The following RAPGEF1 variants were observed in gnomAD, a reference collection of about 807,000 sequenced individuals.
RAPGEF1 encodes the protein Rap guanine nucleotide exchange factor 1.
RAPGEF1 carries 33 observed loss-of-function variants against 143.3 expected under a neutral mutation model. The ratio of observed to expected loss-of-function variants is 0.23; its 90% confidence interval spans 0.17 to 0.31. The LOEUF is 0.31. RAPGEF1 is among the 10% of genes least tolerant of loss of function. The probability of loss-of-function intolerance (pLI) is 1.00; values close to 1 mark genes in which losing one functional copy is unlikely to be tolerated. For synonymous variants in RAPGEF1, 629 were observed against 676.5 expected (o/e 0.93, Z 1.09); for missense variants, 1,199 against 1,645.4 (o/e 0.73, Z 4.69).
At chr9:131,692,727 T>C (rs967444952) in intron 1 of RAPGEF1, among the ~76,000 whole-genome samples, 1 of 152,224 alleles carries the variant, frequency 6.6e-6, no homozygotes, top group Non-Finnish European at 1.5e-5. Context: ...GGCAGGATAA[T>C]GCTACATTGC....
At chr9:131,648,206 A>G (rs1215544245) in intron 3 of RAPGEF1, among the ~76,000 whole-genome samples, 2 of 152,190 alleles carry the variant, frequency 1.3e-5, no homozygotes, top group Non-Finnish European at 1.5e-5. Flanking sequence ...CCTGGCCAAC[A>G]TGGCAAAACC....
At chr9:131,704,081 A>G (rs1007295227) in intron 1 of RAPGEF1, among the ~76,000 whole-genome samples, 31 of 152,160 alleles carry the variant, frequency 2.0e-4, no homozygotes, top group African/African-American at 7.2e-4. Flanking sequence ...TAGTCCTTCA[A>G]AGTACGCATT....
At chr9:131,683,852 A>T (rs1268793468) in intron 1 of RAPGEF1, among the ~76,000 whole-genome samples, 1 of 152,238 alleles carries the variant, frequency 6.6e-6, no homozygotes, top group African/African-American at 2.4e-5. Context: ...CTCAGTTATG[A>T]TTTCATACAG....
At chr9:131,611,427 CTTA>C in intron 12 of RAPGEF1, among the ~76,000 whole-genome samples, 1 of 152,256 alleles carries the variant, frequency 6.6e-6, no homozygotes, top group East Asian at 1.9e-4. Flanking sequence ...GCAAAAGTTC[CTTA>C]TTAAGTTCCT....
At position 131,685,291 on chromosome 9, in the gene RAPGEF1, A is replaced by G. The variant is rs559790726; in HGVS notation, c.62-34342T>C. On this transcript the variant is annotated intron_variant, in intron 1 of 26. Transcript: ENST00000683357. Reference sequence around the variant, plus strand: ...GCTTTTATGGATTTGCAAATCAAAGAAGGCGGACATGTTGGGAGCAGGCCC... The same window carrying G: ...GCTTTTATGGATTTGCAAATCAAAGGAGGCGGACATGTTGGGAGCAGGCCC... 2.6e-4 allele frequency among the ~76,000 whole-genome samples: 39 copies of G among 152,320 alleles called. No individual in the cohort carries two copies. In the East Asian group the frequency reaches 5.0e-3, roughly 20 times the overall value.
rs1966874257 is a variant in RAPGEF1, at chr9:131,638,674, A to G, written c.612T>C (p.Thr204=). The G allele has an allele frequency of 1.2e-6, 2 of 1,613,872 alleles. No homozygotes were observed. Among genetic ancestry groups the G allele is most frequent in the African/African-American group, 2.7e-5 (2 of 74,914 alleles). The change falls in exon 5 of 27, where the codon ACT becomes ACC. Residue 204 remains threonine (T), a synonymous_variant. Coordinates refer to ENST00000683357, the MANE Select transcript of RAPGEF1 (RefSeq NM_001377935.1). ...VNSEDKEMVT[T]VKGVIKAVLD... ...GCACAGCCTTGATGACCCCCTTCAC[A>G]GTCGTCACCATCTCCTTGTCTTCTG...
At position 131,579,596 on chromosome 9, in the gene RAPGEF1, G is replaced by A. The variant is rs1488399587; in HGVS notation, c.3693C>T (p.Phe1231=). Residue 1231 remains phenylalanine, a synonymous_variant, in exon 27 of 27, where the codon TTC becomes TTT. Coordinates refer to ENST00000683357, the MANE Select transcript of RAPGEF1 (RefSeq NM_001377935.1). ...NDDIINFFND[F]SDHLAEEALW... Reference sequence around the variant, plus strand: ...GGGCCTCCTCAGCCAGGTGGTCACTGAAGTCATTGAAGAAGTTTATAATGT... The same window carrying A: ...GGGCCTCCTCAGCCAGGTGGTCACTAAAGTCATTGAAGAAGTTTATAATGT... The A allele has an allele frequency of 1.2e-6, 2 of 1,613,918 alleles. No homozygotes were observed. Among genetic ancestry groups the A allele is most frequent in the African/African-American group, 1.3e-5 (1 of 74,948 alleles).
intron 17 of RAPGEF1, among the ~76,000 whole-genome samples, chr9:131,595,885 ATG>A (rs983263176): frequency 6.6e-6 from 1 of 152,234 alleles, no homozygotes; most frequent in Non-Finnish European, 1.5e-5. Context: ...CTCGTGGAGT[ATG>A]TGAGTGAAGT....
At chr9:131,737,528 C>T in intron 1 of RAPGEF1, 1 of 1,611,368 alleles carries the variant, frequency 6.2e-7, no homozygotes, top group Non-Finnish European at 8.5e-7. Flanking sequence ...GAAGGCGGTG[C>T]CCAGAAAAGG....
intron 1 of RAPGEF1, among the ~76,000 whole-genome samples, chr9:131,723,247 T>C (rs1589106627): frequency 6.6e-6 from 1 of 152,304 alleles, no homozygotes. Context: ...GATTAAATTA[T>C]GTAATTATAT....
At chr9:131,593,995 A>G (rs942079562) in intron 17 of RAPGEF1, among the ~76,000 whole-genome samples, 16 of 152,208 alleles carry the variant, frequency 1.1e-4, no homozygotes, top group African/African-American at 2.9e-4. Context: ...ACATCCTTCA[A>G]TGCCCAGAGC....
rs1375589825 is a variant in RAPGEF1 at position 131,603,970 on chromosome 9, G to A, written c.2403C>T (p.Pro801=). The stretch of plus-strand genomic sequence containing the variant: ...GCCCGAGGTTACTTACTCCTCGAGA[G>A]GGAGCCAGCTCCTCGCTGCTCTGGC... ...SSGQSSEELA[P]SRGEPPAGKD... The change falls in exon 14 of 27, where the codon CCC becomes CCT. Residue 801 remains proline, a synonymous_variant. Transcript: ENST00000683357. 1 of 1,327,264 alleles carries A rather than the reference G, an allele frequency of 7.5e-7. No individual in the cohort carries two copies. The highest frequency in any genetic ancestry group is 1.0e-6 in the Non-Finnish European group (1 of 1,000,402). 82.2% of individuals were successfully genotyped at this position (1,327,264 alleles called of 1,614,324 possible).
intron 1 of RAPGEF1, among the ~76,000 whole-genome samples, chr9:131,688,816 C>A (rs567406400): frequency 2.0e-5 from 3 of 152,070 alleles, no homozygotes; most frequent in African/African-American, 7.2e-5. Context: ...GAGAATCACT[C>A]GAACCCGGGA....
At chr9:131,607,833 C>T (rs940228013) in intron 12 of RAPGEF1, among the ~76,000 whole-genome samples, 26 of 152,222 alleles carry the variant, frequency 1.7e-4, no homozygotes, top group African/African-American at 6.0e-4. Context: ...TGTGCTTCCA[C>T]GTGCCCTGCA....
chr9:131,620,497 C>T (rs1960552702), intron 11 of RAPGEF1, among the ~76,000 whole-genome samples: 1 of 152,128 alleles, frequency 6.6e-6, no homozygotes, highest in African/African-American at 2.4e-5. Context: ...GAAACATCTT[C>T]AGAGCAATTG....
intron 12 of RAPGEF1, among the ~76,000 whole-genome samples, chr9:131,616,036 G>A (rs1013478521): frequency 1.3e-5 from 2 of 152,176 alleles, no homozygotes; most frequent in Non-Finnish European, 2.9e-5. Context: ...GGAGGCCGAG[G>A]TGGGCAGATC....
chr9:131,724,191 G>A (rs774899204), intron 1 of RAPGEF1, among the ~76,000 whole-genome samples: 11 of 152,162 alleles, frequency 7.2e-5, no homozygotes, highest in South Asian at 2.1e-4. Flanking sequence ...GTGAGTGTCC[G>A]GCTGACAGTG....
intron 1 of RAPGEF1, among the ~76,000 whole-genome samples, chr9:131,708,989 T>C (rs1589071952): frequency 6.6e-6 from 1 of 152,200 alleles, no homozygotes; most frequent in Admixed American, 6.5e-5. Flanking sequence ...TACCTTGGCC[T>C]CCCAAAGTGC....
At chr9:131,607,393 G>A (rs979350718) in intron 12 of RAPGEF1, among the ~76,000 whole-genome samples, 16 of 152,176 alleles carry the variant, frequency 1.1e-4, no homozygotes, top group African/African-American at 3.1e-4. Flanking sequence ...CCAGGATGGC[G>A]CTGCAGGCCT....
Sources: gnomAD v4.1 joint callset for allele counts (sites outside exome capture counted in the v4.1 genomes callset) on GRCh38, gnomAD v4.1.1 for gene constraint, MANE v1.5 for transcripts, NCBI Gene and HGNC (gene_info 2026-07-23, HGNC 2026-07-21) for gene names.